Variants in MARF1 observed in about 807,000 individuals in gnomAD.
MARF1 encodes limkain-b1.
In MARF1, 24 loss-of-function variants were observed where a neutral mutation model predicts 168.2. The ratio of observed to expected loss-of-function variants is 0.14; its 90% CI spans 0.10 to 0.20. The LOEUF is 0.20. Ranked by LOEUF, MARF1 falls within the 10% of genes least tolerant of loss-of-function variation. MARF1 has a pLI of 1.00. For missense variants in MARF1, 1,744 were observed against 2,143.6 expected (o/e 0.81, Z 3.68); for synonymous variants, 868 against 822.4 (o/e 1.06, Z -0.95).
intron 19 of MARF1, among the ~76,000 whole-genome samples, 187 bp downstream of exon 19, chr16:15,610,788 G>A (rs2033462498): frequency 6.6e-6 from 1 of 152,134 alleles, no homozygotes; most frequent in African/African-American, 2.4e-5. Flanking sequence ...GCCTGCTTTT[G>A]TTCTTGAGAA....
rs369367491 is a variant in MARF1 at position 15,604,208 on chromosome 16, G to T, written c.4373C>A (p.Thr1458Asn). Reference protein sequence around the residue: ...PLNPCEYGFMTLTELLKSLPY... With the variant: ...PLNPCEYGFMNLTELLKSLPY... ...CAGGCTCTTCAGCAGTTCGGTCAAG[G>T]TCATGAATCCATATTCACAGGGGTT... is the stretch of plus-strand genomic sequence containing the variant. Residue 1458 changes from threonine (T) to asparagine (N), a missense_variant, in exon 22 of 27, where the codon ACC (threonine) becomes AAC (asparagine). Physicochemically the swap from Thr to Asn is moderately conservative, Grantham distance 65. Transcript: ENST00000396368. 9.9e-6 allele frequency: 16 copies of T among 1,614,182 alleles called. No homozygotes were observed. The highest frequency in any genetic ancestry group is 1.7e-5 in the Admixed American group (1 of 60,032).
intron 7 of MARF1, among the ~76,000 whole-genome samples, chr16:15,626,926 T>C (rs1462050682): frequency 6.5e-5 from 9 of 138,144 alleles, no homozygotes; most frequent in African/African-American, 1.7e-4. Flanking sequence ...ATGGCACCAC[T>C]GTACTCCAGC....
intron 20 of MARF1, chr16:15,608,816 A>G: frequency 2.4e-6 from 1 of 409,300 alleles, no homozygotes; most frequent in South Asian, 4.4e-5. Flanking sequence ...AAAAGAAAAT[A>G]AAATCAACAA....
rs1313082314 is a variant in MARF1 at position 15,595,292 on chromosome 16, T to C, written c.*1401A>G. The C allele has an allele frequency of 2.6e-5, 4 of 152,592 alleles. No individual in the cohort carries two copies. The highest frequency in any genetic ancestry group is 5.9e-5 in the Non-Finnish European group (4 of 68,042). The allele number at this position is 152,592 out of a possible 1,614,324, so 9.5% of individuals were successfully genotyped here. A position where few individuals can be genotyped will look rare whatever the true frequency, so the allele number is the denominator to read the frequency against. On this transcript the variant is annotated 3_prime_UTR_variant, in exon 27 of 27. Transcript: ENST00000396368. Reference sequence around the variant, plus strand: ...TGTAAAAATCTCTCTATAGCCCTTATTTTGTGGCATTTTATCAAAATGCTA... The same window carrying C: ...TGTAAAAATCTCTCTATAGCCCTTACTTTGTGGCATTTTATCAAAATGCTA...
intron 1 of MARF1, among the ~76,000 whole-genome samples, chr16:15,640,567 A>T (rs908897566): frequency 6.6e-6 from 1 of 152,192 alleles, no homozygotes; most frequent in Non-Finnish European, 1.5e-5. Context: ...GTGGTGGTGC[A>T]TGCCTGTAGC....
Position 15,625,702 on chromosome 16 carries a change from C to T in MARF1, c.1623G>A (p.Gly541=). 1 of 1,614,198 alleles carries T rather than the reference C, an allele frequency of 6.2e-7. No individual in the cohort carries two copies. The highest frequency in any genetic ancestry group is 1.1e-5 in the South Asian group (1 of 91,078). ...TGCAGCCTGTGATACTCAGCACTTT[C>T]CCACCACAATTATCGGACAGGCGTC... ...RLRRLSDNCG[G]KVLSITGCSA... is the part of the protein sequence containing the mutation. Residue 541 remains glycine, a synonymous_variant, in exon 8 of 27, where the codon GGG becomes GGA. Coordinates refer to ENST00000396368, the MANE Select transcript of MARF1 (RefSeq NM_014647.4).
chr16:15,635,060 G>A (rs1036109759), intron 3 of MARF1, 129 bp from the exon 4 acceptor site: 1 of 702,802 alleles, frequency 1.4e-6, no homozygotes, highest in Non-Finnish European at 2.3e-6. Flanking sequence ...TAATAAAAAG[G>A]ACTTTCAAAT....
chr16:15,620,424 G>C, intron 13 of MARF1, 27 bp downstream of exon 13: 2 of 1,487,178 alleles, frequency 1.3e-6, no homozygotes, highest in Non-Finnish European at 1.9e-6. Context: ...GTACTGACTG[G>C]ATAAAGAAAA....
chr16:15,623,389 C>T (rs908517443), intron 10 of MARF1, among the ~76,000 whole-genome samples: 1 of 142,162 alleles, frequency 7.0e-6, no homozygotes, highest in African/African-American at 2.6e-5. Flanking sequence ...AAGCAATTCT[C>T]CTGTCTCAGC....
intron 22 of MARF1, among the ~76,000 whole-genome samples, chr16:15,603,872 T>C (rs1341296596): frequency 1.3e-5 from 2 of 152,056 alleles, no homozygotes; most frequent in Non-Finnish European, 2.9e-5. Flanking sequence ...AGTAGCGAAA[T>C]CCATCCTGGA....
intron 2 of MARF1, among the ~76,000 whole-genome samples, chr16:15,638,311 C>T (rs147933380): frequency 3.9e-5 from 6 of 152,134 alleles, no homozygotes; most frequent in East Asian, 1.9e-4. Context: ...ATTGGCTGGA[C>T]GCGGTGGCTC....
chr16:15,634,667 G>C, intron 4 of MARF1, 90 bp downstream of exon 4: 1 of 1,260,836 alleles, frequency 7.9e-7, no homozygotes, highest in South Asian at 1.5e-5. Flanking sequence ...AGAACCATAA[G>C]GAATCCTTCA....
Position 15,625,003 on chromosome 16 carries a change from T to C in MARF1, c.2111+13A>G. The C allele has an allele frequency of 2.5e-6, 4 of 1,613,682 alleles. No homozygotes were observed. Among genetic ancestry groups the C allele is most frequent in the Non-Finnish European group, 2.5e-6 (3 of 1,179,788 alleles). The stretch of plus-strand genomic sequence containing the variant: ...TTCAAGAAGCAGCTATGAGAAAGAG[T>C]AGTTTCACATACTTCTGACTGGTTT... On this transcript the variant is annotated intron_variant, in intron 9 of 26. Coordinates refer to ENST00000396368, the MANE Select transcript of MARF1 (RefSeq NM_014647.4).
chr16:15,602,252 C>T lies in MARF1; in HGVS notation c.4414-49G>A, dbSNP rs370266758. The T allele has an allele frequency of 3.9e-6, 6 of 1,527,218 alleles. No individual in the cohort carries two copies. In the African/African-American group the frequency reaches 6.9e-5, roughly 17 times the overall value. 94.6% of individuals were successfully genotyped at this position (1,527,218 alleles called of 1,614,324 possible). On this transcript the variant is annotated intron_variant, in intron 22 of 26. Transcript: ENST00000396368. ...TTAGAAATATTAGTGACTGGCCCTG[C>T]CCCGTGGAAAGTGAAGGCCTCCCAC...
chr16:15,637,533 G>T (rs963938577), intron 2 of MARF1, among the ~76,000 whole-genome samples: 1 of 152,228 alleles, frequency 6.6e-6, no homozygotes, highest in Non-Finnish European at 1.5e-5. Context: ...AGTTCAGACT[G>T]AAATTAACAC....
chr16:15,610,877 A>C, intron 19 of MARF1, 98 bp downstream of exon 19: 3 of 1,178,132 alleles, frequency 2.5e-6, no homozygotes, highest in Non-Finnish European at 3.7e-6. Flanking sequence ...ATCTTCAGGA[A>C]GCACGGACAG....
At chr16:15,642,446 G>A (rs914453185) in intron 1 of MARF1, 10 of 152,198 alleles carry the variant, frequency 6.6e-5, no homozygotes, top group Admixed American at 5.9e-4. Flanking sequence ...ATGCAAAAGA[G>A]AAGAATATTT....
chr16:15,594,595 G>A lies in MARF1; in HGVS notation c.*2098C>T, dbSNP rs570241475. On this transcript the variant is annotated 3_prime_UTR_variant, in exon 27 of 27. Coordinates refer to ENST00000396368, the MANE Select transcript of MARF1 (RefSeq NM_014647.4). ...TTTTTTAAACAGATAAATTTAATCC[G>A]GTATATCTTTCCACCCAGAAATAAA... 3.3e-4 allele frequency: 51 copies of A among 152,456 alleles called. No individual in the cohort carries two copies. The highest frequency in any genetic ancestry group is 4.6e-4 in the Admixed American group (7 of 15,272). 9.4% of individuals were successfully genotyped at this position (152,456 alleles called of 1,614,324 possible).
rs767875924 is a variant in MARF1, at chr16:15,602,075, G to T, written c.4542C>A (p.Ala1514=). 6.2e-7 allele frequency: 1 copy of T among 1,614,202 alleles called. No homozygotes were observed. The highest frequency in any genetic ancestry group is 1.6e-4 in the Middle Eastern group (1 of 6,062). The change falls in exon 23 of 27, where the codon GCC becomes GCA. Residue 1514 remains alanine (A), a synonymous_variant. Transcript: ENST00000396368. The part of the protein sequence containing the change: ...QQIFLHEFSM[A]YTKYVGETLQ... Reference sequence around the variant, plus strand: ...GAGTTTCTCCGACATACTTGGTATAGGCCATGGAAAACTCATGAAGGAAAA... The same window carrying T: ...GAGTTTCTCCGACATACTTGGTATATGCCATGGAAAACTCATGAAGGAAAA...
Sources: allele counts gnomAD v4.1 joint callset (sites outside exome capture counted in the v4.1 genomes callset), GRCh38; gene constraint gnomAD v4.1.1; transcripts MANE v1.5; gene names NCBI Gene and HGNC (gene_info 2026-07-23, HGNC 2026-07-21).